Variants in SRGAP2 observed in about 807,000 individuals in gnomAD.
SRGAP2 encodes SLIT-ROBO Rho GTPase activating protein 2.
SRGAP2 carries 15 observed loss-of-function variants against 57.2 expected under a neutral mutation model. That is an observed-to-expected ratio of 0.26 (90% CI 0.18 to 0.40). SRGAP2 has a LOEUF of 0.40. SRGAP2 is among the 10% of genes least tolerant of loss of function. SRGAP2 has a pLI of 1.00. For missense variants in SRGAP2, 520 were observed against 669.6 expected, an observed-to-expected ratio of 0.78 and a Z score of 2.47; for synonymous variants, 249 against 248.0, an observed-to-expected ratio of 1.00 and a Z score of -0.04.
chr1:206,415,518 G>T (rs1235638756), intron 10 of SRGAP2, among the ~76,000 whole-genome samples: 2 of 152,200 alleles, frequency 1.3e-5, no homozygotes, highest in African/African-American at 4.8e-5. Flanking sequence ...CCAGGGCAGG[G>T]TGGGATGTCA....
intron 10 of SRGAP2, among the ~76,000 whole-genome samples, chr1:206,412,890 T>C (rs998485612): frequency 6.6e-6 from 1 of 152,206 alleles, no homozygotes; most frequent in African/African-American, 2.4e-5. Context: ...TACCTTTCCA[T>C]ACCTGGCTTA....
chr1:206,386,029 T>C (rs1656211522), intron 5 of SRGAP2, among the ~76,000 whole-genome samples: 1 of 152,160 alleles, frequency 6.6e-6, no homozygotes, highest in Non-Finnish European at 1.5e-5. Flanking sequence ...GTCAAAACAT[T>C]CTGGTCCAAA....
intron 7 of SRGAP2, among the ~76,000 whole-genome samples, chr1:206,394,038 CTTTTTTTTTTTT>C (rs577375533): frequency 4.0e-5 from 2 of 49,900 alleles, no homozygotes; most frequent in African/African-American, 2.7e-4. Context: ...TACTTTCTTC[CTTTTTTTTTTTT>C]TTTTTTTTTT....
At chr1:206,372,950 TC>T (rs1654720623) in intron 4 of SRGAP2, among the ~76,000 whole-genome samples, 1 of 8,694 alleles carries the variant, frequency 1.2e-4, no homozygotes, top group African/African-American at 1.3e-3. Context: ...TTTCTTTCTT[TC>T]TTTCTTTTCT....
rs573182178 is a variant in SRGAP2 at position 206,459,121 on chromosome 1, G to A, written c.2832+174G>A. Among the ~76,000 whole-genome samples, 52 of 152,286 alleles carry A rather than the reference G, an allele frequency of 3.4e-4. 1 individual carries two copies. Among genetic ancestry groups the A allele is most frequent in the Non-Finnish European group, 8.8e-5 (6 of 68,018 alleles). On this transcript the variant is annotated intron_variant, in intron 22 of 22. Transcript: ENST00000573034. ...AATAAGACAGCTTAATAAGTGGTCT[G>A]CCTGTCCCTCTCTCCCCAGGAAGAA...
intron 4 of SRGAP2, among the ~76,000 whole-genome samples, chr1:206,358,969 C>CT (rs1156618881): frequency 6.6e-6 from 1 of 151,654 alleles, no homozygotes; most frequent in African/African-American, 2.4e-5. Flanking sequence ...AATTTGTTGT[C>CT]TATAGGATCT....
chr1:206,281,924 AC>A (rs1223682098), intron 2 of SRGAP2, among the ~76,000 whole-genome samples: 1,780 of 147,494 alleles, frequency 0.012, 142 homozygotes, highest in African/African-American at 0.041. Flanking sequence ...AAAAAAAAAA[AC>A]AAAAAAAAAC....
chr1:206,444,484 G>C (rs1357557979), intron 17 of SRGAP2, among the ~76,000 whole-genome samples: 3 of 152,122 alleles, frequency 2.0e-5, no homozygotes, highest in African/African-American at 7.2e-5. Flanking sequence ...AGACACTACT[G>C]GTTTTCTTTT....
intron 4 of SRGAP2, among the ~76,000 whole-genome samples, chr1:206,354,739 T>C (rs1377873593): frequency 2.0e-5 from 3 of 151,534 alleles, no homozygotes; most frequent in African/African-American, 7.3e-5. Flanking sequence ...TTTCTCTCTC[T>C]TTCTCTCTCT....
In SRGAP2 at chr1:206,409,521, C is replaced by T. The variant is rs1553358563; in HGVS notation, c.1356+2947C>T. 2.0e-5 allele frequency among the ~76,000 whole-genome samples: 3 copies of T among 152,070 alleles called. No homozygotes were observed. In the South Asian group the frequency reaches 6.2e-4, roughly 32 times the overall value. On this transcript the variant is annotated intron_variant, in intron 10 of 22. Coordinates refer to ENST00000573034, the MANE Select transcript of SRGAP2 (RefSeq NM_015326.5). ...AATAGGCCAGATATGGCGGCTCATGCCTGTAATCCCAGCGCTGTGGGAGCC... is the reference window on the plus strand; with the variant it reads ...AATAGGCCAGATATGGCGGCTCATGTCTGTAATCCCAGCGCTGTGGGAGCC...
chr1:206,437,879 A>G (rs1661917636), intron 15 of SRGAP2, 85 bp from the exon 16 acceptor site: 2 of 753,160 alleles, frequency 2.7e-6, no homozygotes, highest in African/African-American at 3.4e-5. Context: ...CAGGACATGC[A>G]TGGTTCACCC....
At chr1:206,304,433 C>T (rs1672070236) in intron 3 of SRGAP2, among the ~76,000 whole-genome samples, 2 of 137,378 alleles carry the variant, frequency 1.5e-5, no homozygotes, top group African/African-American at 5.8e-5. Flanking sequence ...TCTCCCTGGG[C>T]CACATTGGAA....
intron 2 of SRGAP2, among the ~76,000 whole-genome samples, chr1:206,237,289 CAG>C (rs1553308352): frequency 1.3e-5 from 2 of 151,976 alleles, no homozygotes; most frequent in African/African-American, 4.8e-5. Flanking sequence ...GACCCTGTCT[CAG>C]AGGGGGGAAA....
At chr1:206,224,277 A>G (rs1215781463) in intron 2 of SRGAP2, among the ~76,000 whole-genome samples, 1 of 152,000 alleles carries the variant, frequency 6.6e-6, no homozygotes, top group Non-Finnish European at 1.5e-5. Flanking sequence ...AGTTGTCAGT[A>G]GTTCCAAATA....
At chr1:206,418,818 T>C (rs1659992417) in intron 11 of SRGAP2, among the ~76,000 whole-genome samples, 1 of 151,922 alleles carries the variant, frequency 6.6e-6, no homozygotes, top group African/African-American at 2.4e-5. Context: ...AATCTAAAGC[T>C]AGAATATCCA....
intron 16 of SRGAP2, among the ~76,000 whole-genome samples, 179 bp downstream of exon 16, chr1:206,438,277 A>C (rs1661954887): frequency 6.6e-6 from 1 of 150,640 alleles, no homozygotes; most frequent in Non-Finnish European, 1.5e-5. Flanking sequence ...AGGAGGAAAG[A>C]CTTTTCAGTA....
chr1:206,216,407 A>G (rs1254935274), intron 2 of SRGAP2, among the ~76,000 whole-genome samples: 2 of 151,932 alleles, frequency 1.3e-5, no homozygotes, highest in African/African-American at 4.9e-5. Flanking sequence ...TTTATTCACC[A>G]TTTTAATCAG....
At chr1:206,245,556 C>T (rs1347939087) in intron 2 of SRGAP2, among the ~76,000 whole-genome samples, 2 of 151,736 alleles carry the variant, frequency 1.3e-5, no homozygotes, top group Admixed American at 6.6e-5. Flanking sequence ...CTTCGAATGT[C>T]TTCTTAATCT....
intron 3 of SRGAP2, among the ~76,000 whole-genome samples, chr1:206,314,385 T>C (rs1672914614): frequency 6.6e-6 from 1 of 152,192 alleles, no homozygotes; most frequent in Admixed American, 6.5e-5. Context: ...CCGCACACCT[T>C]GGCCTCCCAA....
Sources: allele counts gnomAD v4.1 joint callset (sites outside exome capture counted in the v4.1 genomes callset), GRCh38; gene constraint gnomAD v4.1.1; transcripts MANE v1.5; gene names NCBI Gene and HGNC (gene_info 2026-07-23, HGNC 2026-07-21).